The following OTUD7A variants were observed in gnomAD, a reference collection of about 807,000 sequenced individuals.
The protein encoded by OTUD7A is OTU deubiquitinase 7A.
In OTUD7A, 12 loss-of-function variants were observed where a neutral mutation model predicts 65.7. That is an observed-to-expected ratio of 0.18 (90% CI 0.12 to 0.30). The LOEUF (loss-of-function observed/expected upper bound fraction) is 0.30. OTUD7A is among the 10% of genes least tolerant of loss of function. The pLI is 1.00. For synonymous variants in OTUD7A, 641 were observed against 586.3 expected, an observed-to-expected ratio of 1.09 and a Z score of -1.35; for missense variants, 1,148 against 1,304.8, an observed-to-expected ratio of 0.88 and a Z score of 1.85.
At chr15:31,509,795 G>A (rs1036539641) in intron 8 of OTUD7A, among the ~76,000 whole-genome samples, 1 of 151,148 alleles carries the variant, frequency 6.6e-6, no homozygotes, top group Non-Finnish European at 1.5e-5. Flanking sequence ...AACTTTTTAT[G>A]ACTTTTATAG....
chr15:31,677,063 A>T (rs1892610314), intron 1 of OTUD7A, among the ~76,000 whole-genome samples: 1 of 152,192 alleles, frequency 6.6e-6, no homozygotes. Flanking sequence ...CACGTGACTT[A>T]AGTTCCATGA....
Position 31,498,645 on chromosome 15 carries a change from C to T in OTUD7A, c.1171+3045G>A, listed in dbSNP as rs1458336191. Among the ~76,000 whole-genome samples, 1 of 152,192 alleles carries T rather than the reference C, an allele frequency of 6.6e-6. No individual in the cohort carries two copies. On this transcript the variant is annotated intron_variant, in intron 10 of 12. Transcript: ENST00000307050. The surrounding 1 kb of genome is among the most constrained non-coding windows in gnomAD (Gnocchi z 4.2). ...ATCTGGGTTTCACAGAGCTCCCCTG[C>T]AGGCCATTTTAAGATGTGGCTGCAA...
chr15:31,591,200 G>A (rs1889713287), intron 3 of OTUD7A, among the ~76,000 whole-genome samples: 1 of 152,028 alleles, frequency 6.6e-6, no homozygotes, highest in Non-Finnish European at 1.5e-5. Context: ...GGTGTTGGGA[G>A]TTTGAGAGAT....
chr15:31,817,172 T>C (rs1896570459), intron 1 of OTUD7A, among the ~76,000 whole-genome samples: 1 of 151,866 alleles, frequency 6.6e-6, no homozygotes, highest in East Asian at 1.9e-4. Flanking sequence ...GTCCAAATAT[T>C]TCAACCGGGT....
At chr15:31,605,590 T>G (rs1471043919) in intron 3 of OTUD7A, among the ~76,000 whole-genome samples, 1 of 152,186 alleles carries the variant, frequency 6.6e-6, no homozygotes, top group African/African-American at 2.4e-5. Flanking sequence ...GCAAAGCCAT[T>G]AGGGGGCGCC....
intron 3 of OTUD7A, among the ~76,000 whole-genome samples, chr15:31,575,652 A>G (rs752392220): frequency 3.9e-5 from 6 of 152,202 alleles, no homozygotes; most frequent in Non-Finnish European, 7.4e-5. Context: ...CTATAAGCCT[A>G]TGACTGTGGA....
intron 1 of OTUD7A, among the ~76,000 whole-genome samples, chr15:31,739,749 T>C (rs532236560): frequency 5.3e-5 from 8 of 152,052 alleles, no homozygotes; most frequent in Non-Finnish European, 1.0e-4. Context: ...TGCACCACCA[T>C]GTAGTAGAGA....
intron 1 of OTUD7A, among the ~76,000 whole-genome samples, chr15:31,698,931 T>C (rs1011470354): frequency 6.6e-6 from 1 of 152,030 alleles, no homozygotes; most frequent in Non-Finnish European, 1.5e-5. Flanking sequence ...ATGGCACCTA[T>C]TTAACAGGAT....
chr15:31,843,330 C>T (rs62002752), intron 1 of OTUD7A, among the ~76,000 whole-genome samples: 10 of 142,634 alleles, frequency 7.0e-5, no homozygotes, highest in Non-Finnish European at 1.5e-5. Flanking sequence ...TATTTTTTCT[C>T]CAAAAAAAAA....
chr15:31,656,877 G>T (rs572408716), intron 2 of OTUD7A, 106 bp downstream of exon 2: 22 of 152,566 alleles, frequency 1.4e-4, no homozygotes, highest in African/African-American at 5.1e-4. Context: ...AGGCAGGGAG[G>T]TCTGTACCCT....
intron 4 of OTUD7A, among the ~76,000 whole-genome samples, chr15:31,566,054 T>C (rs1199078823): frequency 6.6e-6 from 1 of 151,882 alleles, no homozygotes; most frequent in Non-Finnish European, 1.5e-5. Flanking sequence ...TAGCTAGGCG[T>C]GGTGGCGGGT....
At chr15:31,558,471 T>C (rs1051902925) in intron 5 of OTUD7A, 4 of 161,764 alleles carry the variant, frequency 2.5e-5, no homozygotes, top group African/African-American at 9.6e-5. Flanking sequence ...TGGACAGCTA[T>C]GGAAAGCACA....
At chr15:31,518,268 T>G (rs182100843) in intron 8 of OTUD7A, among the ~76,000 whole-genome samples, 3,387 of 152,040 alleles carry the variant, frequency 0.022, 73 homozygotes, top group Non-Finnish European at 0.027. Flanking sequence ...GGTCAGGAGA[T>G]CGAGACCATC....
At chr15:31,605,801 C>T (rs1249341594) in intron 3 of OTUD7A, among the ~76,000 whole-genome samples, 2 of 152,214 alleles carry the variant, frequency 1.3e-5, no homozygotes, top group African/African-American at 2.4e-5. Context: ...GCTGGCCTCT[C>T]TACTCCTGAG....
chr15:31,654,695 G>GA (rs1891935966), intron 3 of OTUD7A, among the ~76,000 whole-genome samples: 2 of 152,304 alleles, frequency 1.3e-5, no homozygotes, highest in South Asian at 4.1e-4. Context: ...TACGGAGGAT[G>GA]CAATTTCTCA....
chr15:31,492,779 A>C (rs1415278361), intron 10 of OTUD7A, among the ~76,000 whole-genome samples: 4 of 152,220 alleles, frequency 2.6e-5, no homozygotes. Context: ...GTACATAGAA[A>C]ACAGGTAGCA....
chr15:31,795,838 A>C (rs1181189180), intron 1 of OTUD7A, among the ~76,000 whole-genome samples: 1 of 152,166 alleles, frequency 6.6e-6, no homozygotes, highest in Non-Finnish European at 1.5e-5. Flanking sequence ...GAACAGGCCC[A>C]TATGTATCCC....
intron 3 of OTUD7A, among the ~76,000 whole-genome samples, chr15:31,614,004 C>T (rs1890509002): frequency 6.6e-6 from 1 of 152,078 alleles, no homozygotes; most frequent in South Asian, 2.1e-4. Context: ...TTCGCAGCAA[C>T]CTGGATAAGA....
intron 1 of OTUD7A, among the ~76,000 whole-genome samples, chr15:31,710,714 C>A (rs559528872): frequency 6.6e-6 from 1 of 152,296 alleles, no homozygotes; most frequent in Admixed American, 6.5e-5. Flanking sequence ...GATTTTCTGT[C>A]TGGAAGAGCT....
Sources: allele counts gnomAD v4.1 joint callset (sites outside exome capture counted in the v4.1 genomes callset), GRCh38; gene constraint gnomAD v4.1.1; non-coding constraint Gnocchi (gnomAD v3.1); transcripts MANE v1.5; gene names NCBI Gene and HGNC (gene_info 2026-07-23, HGNC 2026-07-21).